The following SEMA6D variants were observed in gnomAD, a reference collection of about 807,000 sequenced individuals.
The protein encoded by SEMA6D is semaphorin-6D.
A neutral mutation model predicts 106.6 loss-of-function variants in SEMA6D; 35 were observed. That is an observed-to-expected ratio of 0.33 (90% CI 0.25 to 0.44). The LOEUF (loss-of-function observed/expected upper bound fraction) is 0.44. Ranked by LOEUF, SEMA6D falls within the 20% of genes least tolerant of loss-of-function variation. SEMA6D has a pLI of 1.00. For synonymous variants in SEMA6D, 499 were observed against 487.7 expected, an observed-to-expected ratio of 1.02 and a Z score of -0.31; for missense variants, 1,185 against 1,345.9, an observed-to-expected ratio of 0.88 and a Z score of 1.87.
chr15:47,708,093 C>T (rs186836589), intron 4 of SEMA6D, among the ~76,000 whole-genome samples: 1 of 152,276 alleles, frequency 6.6e-6, no homozygotes, highest in East Asian at 1.9e-4. Flanking sequence ...TCTGAAACCT[C>T]TTGCTTCTCC....
intron 3 of SEMA6D, among the ~76,000 whole-genome samples, chr15:47,526,665 T>C (rs905163615): frequency 5.9e-5 from 9 of 152,206 alleles, no homozygotes; most frequent in African/African-American, 2.2e-4. Context: ...GGTTTATGTT[T>C]GCTTGCTTTG....
At chr15:47,433,658 A>C (rs564482822) in intron 2 of SEMA6D, among the ~76,000 whole-genome samples, 1 of 152,220 alleles carries the variant, frequency 6.6e-6, no homozygotes, top group East Asian at 1.9e-4. Context: ...ACCGAGTTTT[A>C]GTTGAGGTTA....
chr15:47,521,999 A>C (rs2044598639), intron 3 of SEMA6D, among the ~76,000 whole-genome samples: 1 of 152,116 alleles, frequency 6.6e-6, no homozygotes, highest in South Asian at 2.1e-4. Flanking sequence ...AAAAAAAAAA[A>C]AGAAAGATTC....
At chr15:47,449,566 G>A (rs563087758) in intron 2 of SEMA6D, among the ~76,000 whole-genome samples, 1 of 152,064 alleles carries the variant, frequency 6.6e-6, no homozygotes, top group African/African-American at 2.4e-5. Flanking sequence ...TTATGGGGCT[G>A]ACATATGAGC....
intron 1 of SEMA6D, among the ~76,000 whole-genome samples, chr15:47,334,749 T>C (rs1030954509): frequency 2.6e-5 from 4 of 152,170 alleles, no homozygotes; most frequent in Admixed American, 1.3e-4. Flanking sequence ...GCTGGGTGGC[T>C]ACCTGGTCAC....
chr15:47,719,335 T>C (rs1038525314), intron 1 of SEMA6D, among the ~76,000 whole-genome samples: 2 of 152,134 alleles, frequency 1.3e-5, no homozygotes, highest in Non-Finnish European at 2.9e-5. Flanking sequence ...ACTATAGATA[T>C]ATAGACTTCG....
At chr15:47,449,569 A>T (rs1354363202) in intron 2 of SEMA6D, among the ~76,000 whole-genome samples, 2 of 152,116 alleles carry the variant, frequency 1.3e-5, no homozygotes, top group Non-Finnish European at 2.9e-5. Context: ...TGGGGCTGAC[A>T]TATGAGCAAT....
intron 4 of SEMA6D, among the ~76,000 whole-genome samples, chr15:47,697,272 A>G (rs1406200542): frequency 6.6e-6 from 1 of 152,180 alleles, no homozygotes; most frequent in Non-Finnish European, 1.5e-5. Context: ...AGAGAACTGC[A>G]GGAAGGACAT....
intron 4 of SEMA6D, among the ~76,000 whole-genome samples, chr15:47,700,772 T>G (rs2078794054): frequency 6.6e-6 from 1 of 151,970 alleles, no homozygotes; most frequent in African/African-American, 2.4e-5. Context: ...TTTTAAAGTA[T>G]AGTATTGGCA....
chr15:47,462,511 T>C (rs2042545567), intron 2 of SEMA6D, among the ~76,000 whole-genome samples: 1 of 152,096 alleles, frequency 6.6e-6, no homozygotes, highest in Admixed American at 6.6e-5. Flanking sequence ...CTTTTGAATA[T>C]TGATCTGGAG....
intron 1 of SEMA6D, among the ~76,000 whole-genome samples, chr15:47,371,915 C>T (rs987885265): frequency 8.5e-5 from 13 of 152,154 alleles, no homozygotes; most frequent in Non-Finnish European, 4.4e-5. Flanking sequence ...ATACTTTCCC[C>T]GTTTATAGAT....
intron 1 of SEMA6D, among the ~76,000 whole-genome samples, chr15:47,189,553 A>C (rs1893816936): frequency 6.6e-6 from 1 of 152,234 alleles, no homozygotes; most frequent in African/African-American, 2.4e-5. Flanking sequence ...TTATCGACCC[A>C]AGGAGGCATG....
chr15:47,307,823 A>G (rs1358986236), intron 1 of SEMA6D, among the ~76,000 whole-genome samples: 4 of 152,212 alleles, frequency 2.6e-5, no homozygotes, highest in Non-Finnish European at 5.9e-5. Context: ...CAGAATAGCA[A>G]TTATAGTAAT....
At position 47,623,763 on chromosome 15, in the gene SEMA6D, G is replaced by A. The variant is rs546222743; in HGVS notation, c.-55+22867G>A. Among the ~76,000 whole-genome samples the A allele has an allele frequency of 7.2e-5, 11 of 152,304 alleles. No homozygotes were observed. The South Asian group carries it at 1.9e-3, about 26-fold the overall frequency. ...GGAAGGAAACAAGAAACAGACCTAT[G>A]TCCTGTTTCAGAGTATTTTGTAGCC... On this transcript the variant is annotated intron_variant, in intron 4 of 19. Transcript: ENST00000558014.
intron 4 of SEMA6D, among the ~76,000 whole-genome samples, chr15:47,686,865 A>G (rs2078480661): frequency 6.6e-6 from 1 of 152,116 alleles, no homozygotes; most frequent in Non-Finnish European, 1.5e-5. Flanking sequence ...TGGGAGTTCA[A>G]GACCAGTCTG....
At chr15:47,675,317 ATTAAG>A (rs944281772) in intron 4 of SEMA6D, among the ~76,000 whole-genome samples, 1 of 152,170 alleles carries the variant, frequency 6.6e-6, no homozygotes, top group Non-Finnish European at 1.5e-5. Context: ...TAAAGAGATA[ATTAAG>A]TTAAAATGAG....
intron 1 of SEMA6D, among the ~76,000 whole-genome samples, chr15:47,289,393 C>CGAAAA (rs2035504822): frequency 2.1e-5 from 1 of 46,558 alleles, no homozygotes; most frequent in Non-Finnish European, 4.2e-5. Context: ...AACTCCATCT[C>CGAAAA]AAAAAAAAAA....
At chr15:47,219,921 A>G (rs2031029747) in intron 1 of SEMA6D, among the ~76,000 whole-genome samples, 1 of 152,128 alleles carries the variant, frequency 6.6e-6, no homozygotes, top group Non-Finnish European at 1.5e-5. Flanking sequence ...TCACATGTCT[A>G]GGGCCCTGGG....
chr15:47,388,537 C>A (rs2039919710), intron 1 of SEMA6D, among the ~76,000 whole-genome samples: 1 of 152,110 alleles, frequency 6.6e-6, no homozygotes, highest in Non-Finnish European at 1.5e-5. Flanking sequence ...CACTACCCAC[C>A]TGTTAGTCAC....
Sources: allele counts gnomAD v4.1 joint callset (sites outside exome capture counted in the v4.1 genomes callset), GRCh38; gene constraint gnomAD v4.1.1; transcripts MANE v1.5; gene names NCBI Gene and HGNC (gene_info 2026-07-23, HGNC 2026-07-21).